The following UNC5D variants were observed in gnomAD, a reference collection of about 807,000 sequenced individuals.
UNC5D encodes netrin receptor UNC5D.
UNC5D carries 39 observed loss-of-function variants against 105.4 expected under a neutral mutation model. The ratio of observed to expected loss-of-function variants is 0.37; its 90% CI spans 0.29 to 0.48. The LOEUF is 0.48. UNC5D is among the 20% of genes least tolerant of loss of function. UNC5D has a pLI of 0.98. For missense variants in UNC5D, 991 were observed against 1,202.4 expected, an observed-to-expected ratio of 0.82 and a Z score of 2.60; for synonymous variants, 452 against 450.4, an observed-to-expected ratio of 1.00 and a Z score of -0.04.
intron 1 of UNC5D, among the ~76,000 whole-genome samples, chr8:35,390,001 C>T (rs993481892): frequency 3.9e-5 from 6 of 152,184 alleles, no homozygotes; most frequent in African/African-American, 1.4e-4. Flanking sequence ...AGCTTTAATT[C>T]GCTCTTGGTT....
intron 4 of UNC5D, among the ~76,000 whole-genome samples, chr8:35,679,655 G>A (rs922614408): frequency 1.3e-5 from 2 of 152,134 alleles, no homozygotes; most frequent in Non-Finnish European, 2.9e-5. Context: ...AGAAAGTGGC[G>A]TGGTCTCATC....
intron 4 of UNC5D, among the ~76,000 whole-genome samples, chr8:35,678,905 T>C (rs1460180996): frequency 6.6e-6 from 1 of 152,146 alleles, no homozygotes; most frequent in African/African-American, 2.4e-5. Context: ...TATTTTCTTT[T>C]GGTAAATTCA....
chr8:35,726,715 A>C, intron 10 of UNC5D, 186 bp downstream of exon 10: 1 of 859,724 alleles, frequency 1.2e-6, no homozygotes, highest in Middle Eastern at 2.3e-4. Flanking sequence ...TAGATTTTGC[A>C]GTCTTCATCT....
chr8:35,677,808 G>A (rs10087647), intron 4 of UNC5D, among the ~76,000 whole-genome samples: 6,083 of 151,840 alleles, frequency 0.04, 367 homozygotes, highest in African/African-American at 0.13. Context: ...GCTGGGGTCT[G>A]TATATATGTA....
intron 10 of UNC5D, among the ~76,000 whole-genome samples, chr8:35,728,278 A>ATG (rs144251037): frequency 6.0e-5 from 9 of 150,840 alleles, no homozygotes; most frequent in Admixed American, 6.6e-5. Context: ...TAGTGTATGT[A>ATG]TGTGTGTGTG....
intron 2 of UNC5D, among the ~76,000 whole-genome samples, chr8:35,555,168 T>C (rs1274461761): frequency 6.6e-6 from 1 of 152,228 alleles, no homozygotes; most frequent in Non-Finnish European, 1.5e-5. Context: ...ATTGACAGTT[T>C]GTGGGTTTCA....
At chr8:35,594,075 G>A (rs537237926) in intron 3 of UNC5D, among the ~76,000 whole-genome samples, 5 of 152,226 alleles carry the variant, frequency 3.3e-5, no homozygotes, top group Non-Finnish European at 5.9e-5. Context: ...TACGGTTCCC[G>A]GATAGAGGGA....
At chr8:35,387,015 T>C (rs947584934) in intron 1 of UNC5D, among the ~76,000 whole-genome samples, 5 of 151,432 alleles carry the variant, frequency 3.3e-5, no homozygotes, top group Admixed American at 6.6e-5. Context: ...GAGAAGGAAT[T>C]CCCCCCCTGC....
chr8:35,297,184 C>G (rs1346817307), intron 1 of UNC5D, among the ~76,000 whole-genome samples: 1 of 151,878 alleles, frequency 6.6e-6, no homozygotes, highest in African/African-American at 2.4e-5. Context: ...TTCCTGACAC[C>G]TCCCTCAATC....
Position 35,621,401 on chromosome 8 carries a change from G to T in UNC5D, c.570+25744G>T, listed in dbSNP as rs75490104. 6.3e-3 allele frequency among the ~76,000 whole-genome samples: 960 copies of T among 152,240 alleles called. 6 individuals are homozygous for T. The highest frequency in any genetic ancestry group is 0.022 in the African/African-American group (930 of 41,528). On this transcript the variant is annotated intron_variant, in intron 4 of 16. Coordinates refer to ENST00000404895, the MANE Select transcript of UNC5D (RefSeq NM_080872.4). Reference sequence around the variant, plus strand: ...GGCACTCAGAAAATATATGTTGAAGGAATGCCTAATTGACAAGACTAGGCA... The same window carrying T: ...GGCACTCAGAAAATATATGTTGAAGTAATGCCTAATTGACAAGACTAGGCA...
intron 1 of UNC5D, among the ~76,000 whole-genome samples, chr8:35,397,787 C>T (rs1186249097): frequency 2.0e-5 from 3 of 152,134 alleles, no homozygotes; most frequent in African/African-American, 7.2e-5. Context: ...CAACATTTGC[C>T]TTCCTAATTT....
chr8:35,596,523 A>G (rs778999100), intron 4 of UNC5D, among the ~76,000 whole-genome samples: 1 of 152,178 alleles, frequency 6.6e-6, no homozygotes, highest in Non-Finnish European at 1.5e-5. Flanking sequence ...AAGGTTGAGG[A>G]TGCGTGCCCA....
intron 1 of UNC5D, among the ~76,000 whole-genome samples, chr8:35,403,815 A>G (rs919375083): frequency 2.0e-5 from 3 of 152,202 alleles, no homozygotes; most frequent in Non-Finnish European, 2.9e-5. Flanking sequence ...TCAACTGAAT[A>G]ATTAGATCAA....
intron 3 of UNC5D, 28 bp from the exon 4 acceptor site, chr8:35,595,526 G>GACT: frequency 1.2e-6 from 2 of 1,606,652 alleles, no homozygotes; most frequent in African/African-American, 1.3e-5. Context: ...TTGAAACAAA[G>GACT]TGTCACCTAT....
chr8:35,683,059 G>T (rs1328604684), intron 4 of UNC5D, among the ~76,000 whole-genome samples: 1 of 152,132 alleles, frequency 6.6e-6, no homozygotes, highest in East Asian at 1.9e-4. Context: ...TTTAGCCTTG[G>T]TACAATCTCA....
At chr8:35,360,826 C>T (rs1801813917) in intron 1 of UNC5D, among the ~76,000 whole-genome samples, 2 of 152,074 alleles carry the variant, frequency 1.3e-5, no homozygotes, top group Admixed American at 1.3e-4. Flanking sequence ...TTAAAACACA[C>T]ATTGCAGCTA....
chr8:35,665,640 ATT>A (rs376152620), intron 4 of UNC5D, among the ~76,000 whole-genome samples: 34 of 124,006 alleles, frequency 2.7e-4, no homozygotes, highest in Non-Finnish European at 3.8e-4. Flanking sequence ...AGAAGGTGCC[ATT>A]TTTTTTTTTT....
chr8:35,494,981 C>T (rs1005985377), intron 1 of UNC5D, among the ~76,000 whole-genome samples: 5 of 151,864 alleles, frequency 3.3e-5, no homozygotes, highest in Non-Finnish European at 7.4e-5. Flanking sequence ...CCTCTAAGGC[C>T]TTTGGATTTT....
At chr8:35,774,527 AC>A (rs770413395) in intron 16 of UNC5D, 50 bp downstream of exon 16, 1 of 1,600,084 alleles carries the variant, frequency 6.2e-7, no homozygotes. Context: ...GAACTTGGAA[AC>A]ATAAAGTGGG....
Sources: gnomAD v4.1 joint callset for allele counts (sites outside exome capture counted in the v4.1 genomes callset) on GRCh38, gnomAD v4.1.1 for gene constraint, MANE v1.5 for transcripts, NCBI Gene and HGNC (gene_info 2026-07-23, HGNC 2026-07-21) for gene names.